The following DMD variants were observed in gnomAD, a reference collection of about 807,000 sequenced individuals.
The protein encoded by DMD is mutant dystrophin.
In DMD, 63 loss-of-function variants were observed where a neutral mutation model predicts 330.1. The ratio of observed to expected loss-of-function variants is 0.19; its 90% CI spans 0.16 to 0.24. The LOEUF is 0.24. DMD is among the 10% of genes least tolerant of loss of function. DMD has a pLI of 1.00. For synonymous variants in DMD, 1,223 were observed against 959.8 expected (o/e 1.27, Z -5.07); for missense variants, 3,344 against 2,684.1 (o/e 1.25, Z -5.43).
At chrX:31,809,746 C>G (rs1860041387) in intron 50 of DMD, among the ~76,000 whole-genome samples, 1 of 110,732 alleles carries the variant, frequency 9.0e-6, no homozygotes, top group Admixed American at 9.7e-5. Context: ...TATATCTGGC[C>G]TGGAAGATTT....
chrX:31,977,324 G>C (rs113065629), intron 44 of DMD, among the ~76,000 whole-genome samples: 4,170 of 111,548 alleles, frequency 0.037, 75 homozygotes, highest in Middle Eastern at 0.069. Flanking sequence ...GAGTGAAAAA[G>C]AGACATTTAA....
intron 2 of DMD, among the ~76,000 whole-genome samples, chrX:32,963,389 G>A (rs1478368186): frequency 8.9e-6 from 1 of 112,022 alleles, no homozygotes; most frequent in Non-Finnish European, 1.9e-5. Flanking sequence ...TTTTATATCT[G>A]ATGGTTCCAT....
intron 7 of DMD, among the ~76,000 whole-genome samples, chrX:32,776,288 C>A (rs1010614991): frequency 3.0e-4 from 33 of 108,631 alleles, no homozygotes; most frequent in Non-Finnish European, 5.7e-4. Context: ...TCTGACCCCC[C>A]CCCCAAATTG....
intron 1 of DMD, among the ~76,000 whole-genome samples, chrX:33,165,688 G>A (rs1569557089): frequency 9.0e-6 from 1 of 111,374 alleles, no homozygotes; most frequent in Non-Finnish European, 1.9e-5. Context: ...TGTTTTTTCC[G>A]CAGTTGCTTT....
intron 44 of DMD, among the ~76,000 whole-genome samples, chrX:31,982,216 A>G (rs952687823): frequency 3.6e-5 from 4 of 112,201 alleles, no homozygotes; most frequent in Non-Finnish European, 7.5e-5. Context: ...AAATTTTCTT[A>G]AAATGAAATA....
chrX:31,858,193 G>T (rs2093646764), intron 48 of DMD, among the ~76,000 whole-genome samples: 1 of 111,348 alleles, frequency 9.0e-6, no homozygotes, highest in South Asian at 3.7e-4. Context: ...TATACTAAGT[G>T]AAATCTCAGT....
chrX:32,485,893 G>A (rs187697965), intron 20 of DMD, among the ~76,000 whole-genome samples: 23 of 107,812 alleles, frequency 2.1e-4, no homozygotes, highest in African/African-American at 7.4e-4. Context: ...ACAGGTGCCC[G>A]CTACCGTGTC....
At chrX:31,393,539 T>G (rs759867236) in intron 60 of DMD, among the ~76,000 whole-genome samples, 1 of 105,048 alleles carries the variant, frequency 9.5e-6, no homozygotes, top group African/African-American at 3.4e-5. Flanking sequence ...AAATATTCCA[T>G]AGGATGGTGT....
intron 43 of DMD, among the ~76,000 whole-genome samples, chrX:32,248,347 T>A (rs2097250382): frequency 8.9e-6 from 1 of 111,836 alleles, no homozygotes; most frequent in Admixed American, 9.6e-5. Context: ...CTTATACAAC[T>A]GTTGTTAAAT....
intron 7 of DMD, among the ~76,000 whole-genome samples, chrX:32,717,556 C>T (rs1318786767): frequency 1.8e-5 from 2 of 111,757 alleles, no homozygotes; most frequent in East Asian, 5.7e-4. Context: ...CATAGAGAAC[C>T]TCTACTAGGG....
chrX:33,070,589 A>C (rs1252694531), intron 1 of DMD, among the ~76,000 whole-genome samples: 2 of 103,543 alleles, frequency 1.9e-5, no homozygotes, highest in Admixed American at 1.1e-4. Flanking sequence ...ATAATTAAAA[A>C]ATCTAGTTCC....
At chrX:32,259,996 C>G (rs2097315302) in intron 43 of DMD, among the ~76,000 whole-genome samples, 1 of 111,471 alleles carries the variant, frequency 9.0e-6, no homozygotes, top group Non-Finnish European at 1.9e-5. Flanking sequence ...GGATATTCCT[C>G]TGTCCCAAAA....
chrX:31,409,963 C>T (rs897417794), intron 60 of DMD, among the ~76,000 whole-genome samples: 5 of 110,936 alleles, frequency 4.5e-5, no homozygotes, highest in Non-Finnish European at 5.7e-5. Context: ...GGATTACAGG[C>T]GCCCGCCACC....
Position 31,371,447 on chromosome X carries a change from A to C in DMD, c.9085-22813T>G, listed in dbSNP as rs539112932. Among the ~76,000 whole-genome samples, 14 of 112,177 alleles carry C rather than the reference A, an allele frequency of 1.2e-4. 1 individual carries two copies. Among genetic ancestry groups the C allele is most frequent in the African/African-American group, 4.2e-4 (13 of 30,908 alleles). ...AATAATTTTTTGGTAATAAGAAAAA[A>C]AACTAAGAATTATTTTTTATTAAAA... On this transcript the variant is annotated intron_variant, in intron 60 of 78. Coordinates refer to ENST00000357033, the MANE Select transcript of DMD (RefSeq NM_004006.3).
intron 1 of DMD, among the ~76,000 whole-genome samples, chrX:33,207,662 T>A (rs777665223): frequency 4.8e-4 from 53 of 111,543 alleles, no homozygotes; most frequent in African/African-American, 1.6e-3. Flanking sequence ...AACTTTGATA[T>A]CTGTATTAAA....
intron 62 of DMD, among the ~76,000 whole-genome samples, chrX:31,274,333 C>T (rs1022416142): frequency 5.4e-5 from 6 of 111,918 alleles, no homozygotes; most frequent in African/African-American, 1.6e-4. Flanking sequence ...ATAGTATTCA[C>T]GCATGTTAAA....
At position 33,010,982 on chromosome X, in the gene DMD, A is replaced by T. The variant is rs200939996; in HGVS notation, c.93+9157T>A. On this transcript the variant is annotated intron_variant, in intron 2 of 78. Transcript: ENST00000357033. ...GCCTCAGCAATCCATGTTTTAACAC[A>T]TTTTCTAGGTAATTCCAATGCGTTT... Among the ~76,000 whole-genome samples, 4 of 111,258 alleles carry T rather than the reference A, an allele frequency of 3.6e-5. No individual in the cohort carries two copies. The East Asian group carries it at 1.1e-3, about 32-fold the overall frequency.
rs1014232123 is a variant in DMD at position 32,503,717 on chromosome X, A to G, written c.2293-1875T>C. ...ATTACAGGCGTGCACCACCACGCCC[A>G]GCTAATTTTTGTATTTTTAGTAGAG... On this transcript the variant is annotated intron_variant, in intron 18 of 78. Transcript: ENST00000357033. Among the ~76,000 whole-genome samples the G allele has an allele frequency of 1.2e-4, 13 of 110,108 alleles. 1 individual carries two copies. Among genetic ancestry groups the G allele is most frequent in the Non-Finnish European group, 2.1e-4 (11 of 52,720 alleles).
At chrX:31,241,672 G>C (rs2048307525) in intron 63 of DMD, among the ~76,000 whole-genome samples, 1 of 110,764 alleles carries the variant, frequency 9.0e-6, no homozygotes. Flanking sequence ...ACCTTGTTAA[G>C]AAAAACCTCT....
Sources: gnomAD v4.1 joint callset for allele counts (sites outside exome capture counted in the v4.1 genomes callset) on GRCh38, gnomAD v4.1.1 for gene constraint, MANE v1.5 for transcripts, NCBI Gene and HGNC (gene_info 2026-07-23, HGNC 2026-07-21) for gene names.